BCAR3: variants seen among roughly 807,000 people sequenced by gnomAD.
BCAR3 encodes the protein BCAR3 adaptor protein, NSP family member.
Under a neutral mutation model 80.1 loss-of-function variants are expected in BCAR3, and 37 were observed. The observed-to-expected ratio is 0.46, with a 90% confidence interval of 0.36 to 0.61. The LOEUF is 0.61. Among genes scored for constraint, BCAR3 ranks in the 20% least tolerant of loss-of-function variants. The probability of loss-of-function intolerance (pLI) is 0.00; values close to 1 mark genes in which losing one functional copy is unlikely to be tolerated. For synonymous variants in BCAR3, 389 were observed against 418.9 expected, an observed-to-expected ratio of 0.93 and a Z score of 0.87; for missense variants, 978 against 1,068.2, an observed-to-expected ratio of 0.92 and a Z score of 1.18.
At chr1:93,725,328 G>A (rs1464135466) in intron 2 of BCAR3, among the ~76,000 whole-genome samples, 1 of 152,222 alleles carries the variant, frequency 6.6e-6, no homozygotes, top group South Asian at 2.1e-4. Context: ...CCAGAAATAA[G>A]CATTACATAG....
intron 2 of BCAR3, among the ~76,000 whole-genome samples, chr1:93,837,056 T>C (rs913752952): frequency 2.0e-5 from 3 of 152,006 alleles, no homozygotes; most frequent in African/African-American, 7.2e-5. Context: ...ACAAAGCCTG[T>C]TTGGTGGTCT....
intron 3 of BCAR3, among the ~76,000 whole-genome samples, chr1:93,623,661 G>A (rs1675376311): frequency 6.6e-6 from 1 of 152,190 alleles, no homozygotes; most frequent in Non-Finnish European, 1.5e-5. Context: ...CTTCCCAGAA[G>A]TAGTCATCAA....
intron 9 of BCAR3, 166 bp downstream of exon 9, chr1:93,571,500 GAAAA>G (rs200297271): frequency 1.4e-6 from 1 of 726,352 alleles, no homozygotes; most frequent in East Asian, 3.3e-5. Context: ...TCTCAAAAAA[GAAAA>G]AAAAAAGTAG....
At position 93,582,435 on chromosome 1, in the gene BCAR3, T is replaced by C. The variant is rs764747428; in HGVS notation, c.1552A>G (p.Asn518Asp). 28 of 1,614,046 alleles carry C rather than the reference T, an allele frequency of 1.7e-5. No homozygotes were observed. The highest frequency in any genetic ancestry group is 2.3e-5 in the Non-Finnish European group (27 of 1,180,026). The change falls in exon 7 of 12, where the codon AAC becomes GAC. Residue 518 changes from asparagine (N) to aspartate (D), a missense_variant. Physicochemically the swap from Asn to Asp is conservative, Grantham distance 23. Transcript: ENST00000260502. ...GGAAGGAACTTTGACTCAAACTCGTTGGGCCTGAAGGAGGAGACAGTCTCC... is the reference window on the plus strand; with the variant it reads ...GGAAGGAACTTTGACTCAAACTCGTCGGGCCTGAAGGAGGAGACAGTCTCC... ...LLETVSSFRP[N>D]EFESKFLPPE...
At chr1:93,740,065 A>G (rs1651125755) in intron 2 of BCAR3, among the ~76,000 whole-genome samples, 2 of 151,922 alleles carry the variant, frequency 1.3e-5, no homozygotes. Flanking sequence ...AAAGAAAAAG[A>G]AAAGAGCCTC....
intron 2 of BCAR3, among the ~76,000 whole-genome samples, chr1:93,660,991 C>G (rs1337157961): frequency 2.0e-5 from 3 of 152,192 alleles, no homozygotes; most frequent in African/African-American, 7.2e-5. Context: ...ATTCTCCTGC[C>G]TCAGCCTCCC....
At chr1:93,653,504 C>T (rs1368225834) in intron 2 of BCAR3, among the ~76,000 whole-genome samples, 3 of 152,218 alleles carry the variant, frequency 2.0e-5, no homozygotes, top group Admixed American at 1.3e-4. Flanking sequence ...GTCTACTTTA[C>T]GCCCAGTCAT....
intron 2 of BCAR3, among the ~76,000 whole-genome samples, chr1:93,820,200 C>T (rs1654164978): frequency 1.3e-5 from 2 of 152,188 alleles, no homozygotes. Context: ...GTTTTCGATG[C>T]TCTTAATACT....
chr1:93,728,582 G>C (rs994638732), intron 2 of BCAR3, among the ~76,000 whole-genome samples: 3 of 152,138 alleles, frequency 2.0e-5, no homozygotes, highest in African/African-American at 7.2e-5. Flanking sequence ...TCAGCAGATG[G>C]GGAAGCCAAA....
intron 2 of BCAR3, among the ~76,000 whole-genome samples, chr1:93,648,414 G>A (rs1379511734): frequency 1.3e-5 from 2 of 152,158 alleles, no homozygotes; most frequent in African/African-American, 2.4e-5. Context: ...AAAATGAAAA[G>A]GGATGGTCTT....
At chr1:93,635,354 T>C (rs1675748624) in intron 3 of BCAR3, among the ~76,000 whole-genome samples, 1 of 152,088 alleles carries the variant, frequency 6.6e-6, no homozygotes, top group African/African-American at 2.4e-5. Flanking sequence ...TTACGAATAA[T>C]GTCACTATAA....
At chr1:93,636,275 G>C (rs1675776339) in intron 3 of BCAR3, among the ~76,000 whole-genome samples, 1 of 152,194 alleles carries the variant, frequency 6.6e-6, no homozygotes, top group South Asian at 2.1e-4. Flanking sequence ...AACAGCTGCA[G>C]CCTTGTCCTT....
chr1:93,782,397 TGGG>T (rs571211798), intron 2 of BCAR3, among the ~76,000 whole-genome samples: 496 of 152,278 alleles, frequency 3.3e-3, no homozygotes, highest in Non-Finnish European at 5.2e-3. Context: ...TTTAGAAAAC[TGGG>T]GCTCAATCCT....
At chr1:93,781,234 A>C (rs1199870798) in intron 2 of BCAR3, among the ~76,000 whole-genome samples, 4 of 152,254 alleles carry the variant, frequency 2.6e-5, no homozygotes, top group Non-Finnish European at 5.9e-5. Context: ...CTGAAATTTG[A>C]ATTTCATGTT....
chr1:93,692,768 G>A (rs769857714), intron 3 of BCAR3, among the ~76,000 whole-genome samples: 2 of 152,216 alleles, frequency 1.3e-5, no homozygotes, highest in Non-Finnish European at 2.9e-5. Context: ...TTGATTGCTT[G>A]AGCGTGGTGT....
upstream of BCAR3, among the ~76,000 whole-genome samples, chr1:93,683,688 C>T (rs1648879460): frequency 6.6e-6 from 1 of 152,142 alleles, no homozygotes; most frequent in African/African-American, 2.4e-5. Flanking sequence ...CAAATGGGTA[C>T]ATACTATATG....
At chr1:93,768,565 T>G (rs919479826) in intron 2 of BCAR3, among the ~76,000 whole-genome samples, 1 of 152,038 alleles carries the variant, frequency 6.6e-6, no homozygotes, top group South Asian at 2.1e-4. Flanking sequence ...CTAGGAGAAC[T>G]TAAAACCGGA....
chr1:93,663,162 A>G (rs1211485544), intron 2 of BCAR3, among the ~76,000 whole-genome samples: 2 of 152,204 alleles, frequency 1.3e-5, no homozygotes, highest in East Asian at 3.8e-4. Context: ...ATGCAAGCTG[A>G]ACAGAAGCTT....
At chr1:93,821,019 T>C (rs1289509681) in intron 2 of BCAR3, among the ~76,000 whole-genome samples, 1 of 152,162 alleles carries the variant, frequency 6.6e-6, no homozygotes, top group African/African-American at 2.4e-5. Flanking sequence ...AAAAAACTCC[T>C]GTCACCCCTA....
Sources: allele counts gnomAD v4.1 joint callset (sites outside exome capture counted in the v4.1 genomes callset), GRCh38; gene constraint gnomAD v4.1.1; transcripts MANE v1.5; gene names NCBI Gene and HGNC (gene_info 2026-07-23, HGNC 2026-07-21).